The following AHCYL2 variants were observed in gnomAD, a reference collection of about 807,000 sequenced individuals.
AHCYL2 encodes the protein adenosylhomocysteinase like 2.
A neutral mutation model predicts 81.4 loss-of-function variants in AHCYL2; 28 were observed. The observed-to-expected ratio is 0.34, with a 90% confidence interval of 0.25 to 0.47. The LOEUF (loss-of-function observed/expected upper bound fraction) is 0.47, where lower values mean the gene tolerates loss of function less well. AHCYL2 is among the 20% of genes least tolerant of loss of function. The pLI is 1.00. For synonymous variants in AHCYL2, 272 were observed against 290.2 expected, an observed-to-expected ratio of 0.94 and a Z score of 0.64; for missense variants, 551 against 785.1, an observed-to-expected ratio of 0.70 and a Z score of 3.56.
rs774954456 is a variant in AHCYL2, at chr7:129,368,509, C to T, written c.364-11129C>T. 3.5e-5 allele frequency: 57 copies of T among 1,613,850 alleles called. No homozygotes were observed. Among genetic ancestry groups the T allele is most frequent in the Admixed American group, 3.0e-4 (18 of 60,000 alleles). On this transcript the variant is annotated intron_variant, in intron 1 of 16. Transcript: ENST00000325006. The surrounding 1 kb of genome is among the most constrained non-coding windows in gnomAD (Gnocchi z 4.4). ...AAGCCTGCACTATGGAGAAGTGGGA[C>T]GGTAATGAGGGCACCTCAGCTTTTC...
intron 1 of AHCYL2, among the ~76,000 whole-genome samples, chr7:129,252,876 A>G (rs1795290348): frequency 6.6e-6 from 1 of 152,076 alleles, no homozygotes; most frequent in Non-Finnish European, 1.5e-5. Flanking sequence ...TCCCACTTGA[A>G]GATTAGAAGA....
At chr7:129,315,760 G>A (rs1027169431) in intron 1 of AHCYL2, among the ~76,000 whole-genome samples, 5 of 152,104 alleles carry the variant, frequency 3.3e-5, no homozygotes, top group East Asian at 3.9e-4. Flanking sequence ...ACAGTTACTC[G>A]AAGGAGGAGA....
chr7:129,419,518 C>T lies in AHCYL2; in HGVS notation c.1462-3322C>T, dbSNP rs1797013639. Among the ~76,000 whole-genome samples, 1 of 152,178 alleles carries T rather than the reference C, an allele frequency of 6.6e-6. No homozygotes were observed. Among genetic ancestry groups the T allele is most frequent in the Non-Finnish European group, 1.5e-5 (1 of 68,030 alleles). ...GCAGTGAGCCAAGATCACGCCACTG[C>T]ACTCTAGCCTGGATGACAGAGTGAG... On this transcript the variant is annotated intron_variant, in intron 12 of 16. Transcript: ENST00000325006. The surrounding 1 kb of genome is among the most constrained non-coding windows in gnomAD (Gnocchi z 4.7).
intron 13 of AHCYL2, 125 bp from the exon 14 acceptor site, chr7:129,424,749 G>C: frequency 2.1e-6 from 2 of 971,130 alleles, no homozygotes; most frequent in Non-Finnish European, 3.3e-6. Flanking sequence ...TTGAATAGCT[G>C]CTTTTTTTCC....
chr7:129,425,172 A>C (rs1797304108), intron 15 of AHCYL2, 31 bp downstream of exon 15: 1 of 1,594,898 alleles, frequency 6.3e-7, no homozygotes, highest in African/African-American at 1.3e-5. Context: ...CTCCATCCTT[A>C]CCAAAGTAGT....
chr7:129,397,076 T>C (rs1412675614), intron 4 of AHCYL2, 146 bp from the exon 5 acceptor site: 3 of 588,334 alleles, frequency 5.1e-6, no homozygotes, highest in African/African-American at 1.9e-5. Context: ...CTTAGAATAC[T>C]GAAGAGGTTC....
Position 129,368,170 on chromosome 7 carries a change from T to G in AHCYL2, c.364-11468T>G. ...CTGCAGAAAGTCCCCACTGGGGAGG[T>G]GCGGGTAGAGTGTTTGGGTAGCATT... On this transcript the variant is annotated intron_variant, in intron 1 of 16. Transcript: ENST00000325006. The surrounding 1 kb of genome is among the most constrained non-coding windows in gnomAD (Gnocchi z 4.4). The G allele has an allele frequency of 1.8e-6, 2 of 1,105,212 alleles. No individual in the cohort carries two copies. The highest frequency in any genetic ancestry group is 3.7e-5 in the South Asian group (1 of 27,392). 68.5% of individuals were successfully genotyped at this position (1,105,212 alleles called of 1,614,324 possible).
chr7:129,403,362 G>A lies in AHCYL2; in HGVS notation c.919-17G>A. ...CTTCAGCAAAGTGAATGATGTTATT[G>A]ATGCTTACTATTGCAGATCTTGGAT... On this transcript the variant is annotated splice_polypyrimidine_tract_variant and intron_variant, in intron 6 of 16. Coordinates refer to ENST00000325006, the MANE Select transcript of AHCYL2 (RefSeq NM_015328.4). The A allele has an allele frequency of 6.4e-7, 1 of 1,556,934 alleles. No homozygotes were observed.
intron 12 of AHCYL2, among the ~76,000 whole-genome samples, chr7:129,421,779 A>C (rs1288006826): frequency 6.6e-6 from 1 of 152,254 alleles, no homozygotes; most frequent in Non-Finnish European, 1.5e-5. Context: ...TTGTTTGCTT[A>C]AATAAACCTT....
intron 1 of AHCYL2, among the ~76,000 whole-genome samples, chr7:129,347,681 C>T (rs1793411301): frequency 6.6e-6 from 1 of 151,992 alleles, no homozygotes; most frequent in Admixed American, 6.6e-5. Context: ...CAATTACAGT[C>T]CTTGGAAAGA....
chr7:129,407,128 T>C (rs1796344818), intron 10 of AHCYL2, among the ~76,000 whole-genome samples: 2 of 152,136 alleles, frequency 1.3e-5, no homozygotes, highest in South Asian at 4.1e-4. Context: ...GGCAGGAGGA[T>C]TGCTTGCGCC....
intron 1 of AHCYL2, among the ~76,000 whole-genome samples, chr7:129,355,491 C>CT (rs1793706588): frequency 6.6e-6 from 1 of 152,146 alleles, no homozygotes; most frequent in Non-Finnish European, 1.5e-5. Flanking sequence ...ATGCACCTAA[C>CT]CGTGTATTTT....
chr7:129,403,880 A>T (rs28616609), intron 7 of AHCYL2, among the ~76,000 whole-genome samples: 40,669 of 138,300 alleles, frequency 0.29, 6,537 homozygotes, highest in South Asian at 0.38. Context: ...AAAAAAAAAA[A>T]AAAAAAAAAA....
chr7:129,332,207 TTTA>T (rs1436714615), intron 1 of AHCYL2, among the ~76,000 whole-genome samples: 1 of 151,888 alleles, frequency 6.6e-6, no homozygotes, highest in African/African-American at 2.4e-5. Flanking sequence ...TGTCTCTTCT[TTTA>T]TTATTGTTTT....
intron 1 of AHCYL2, among the ~76,000 whole-genome samples, chr7:129,308,082 C>T (rs1797509012): frequency 6.6e-6 from 1 of 151,978 alleles, no homozygotes; most frequent in Non-Finnish European, 1.5e-5. Context: ...CAAGCACTCC[C>T]TTAGCCACCC....
intron 1 of AHCYL2, among the ~76,000 whole-genome samples, chr7:129,275,118 C>A (rs1474256300): frequency 3.3e-5 from 5 of 152,164 alleles, no homozygotes; most frequent in Admixed American, 6.5e-5. Context: ...CGCAGTGGCT[C>A]ACACCTCTAA....
chr7:129,228,913 T>G (rs1396166686), intron 1 of AHCYL2, among the ~76,000 whole-genome samples: 1 of 152,236 alleles, frequency 6.6e-6, no homozygotes, highest in African/African-American at 2.4e-5. Flanking sequence ...TGGTTAATTA[T>G]AGAGTACTAA....
At chr7:129,311,963 T>C (rs1187150842) in intron 1 of AHCYL2, among the ~76,000 whole-genome samples, 1 of 152,212 alleles carries the variant, frequency 6.6e-6, no homozygotes, top group East Asian at 1.9e-4. Flanking sequence ...TATTTCTCCT[T>C]GTTCATTCTG....
intron 1 of AHCYL2, among the ~76,000 whole-genome samples, chr7:129,362,420 G>A (rs993972841): frequency 2.0e-5 from 3 of 151,988 alleles, no homozygotes; most frequent in Non-Finnish European, 4.4e-5. Context: ...CAACAATGCC[G>A]GTGTCTGTGA....
Sources: allele counts gnomAD v4.1 joint callset (sites outside exome capture counted in the v4.1 genomes callset), GRCh38; gene constraint gnomAD v4.1.1; non-coding constraint Gnocchi (gnomAD v3.1); transcripts MANE v1.5; gene names NCBI Gene and HGNC (gene_info 2026-07-23, HGNC 2026-07-21).